The following TXLNB variants were observed in gnomAD, a reference collection of about 807,000 sequenced individuals.
TXLNB encodes beta-taxilin.
Under a neutral mutation model 57.4 loss-of-function variants are expected in TXLNB, and 37 were observed. The ratio of observed to expected loss-of-function variants is 0.64; its 90% CI spans 0.50 to 0.85. TXLNB has a LOEUF of 0.85. TXLNB is among the 40% of genes least tolerant of loss of function. The probability of loss-of-function intolerance (pLI) is 0.00; values close to 1 mark genes in which losing one functional copy is unlikely to be tolerated. For missense variants in TXLNB, 848 were observed against 825.6 expected (o/e 1.03, Z -0.33); for synonymous variants, 302 against 309.6 (o/e 0.98, Z 0.26).
At chr6:139,162,121 G>GTA in the TXLNB span, among the ~76,000 whole-genome samples, 1 of 152,158 alleles carries the variant, frequency 6.6e-6, no homozygotes, top group Non-Finnish European at 1.5e-5. Context: ...ACTAAGATGA[G>GTA]TAAGAGGCTT....
the TXLNB span, among the ~76,000 whole-genome samples, chr6:139,299,254 C>T: frequency 2.5e-4 from 38 of 152,112 alleles, no homozygotes; most frequent in Admixed American, 1.5e-3. Flanking sequence ...ATTCAACAAC[C>T]CTGGGAACAA....
chr6:139,252,567 G>T (rs186368699), intron 7 of TXLNB, among the ~76,000 whole-genome samples: 24 of 152,312 alleles, frequency 1.6e-4, no homozygotes, highest in African/African-American at 5.1e-4. Context: ...GCAGGCAATG[G>T]ACAAGGCGGG....
At chr6:139,254,827 T>G (rs565370373) in intron 7 of TXLNB, among the ~76,000 whole-genome samples, 67 of 152,260 alleles carry the variant, frequency 4.4e-4, no homozygotes, top group African/African-American at 1.6e-3. Context: ...TCTTTTCTTT[T>G]CTTTCTAAAC....
chr6:139,315,925 C>T, the TXLNB span, among the ~76,000 whole-genome samples: 2 of 151,686 alleles, frequency 1.3e-5, no homozygotes, highest in African/African-American at 4.8e-5. Flanking sequence ...TATGAAGTTA[C>T]AAGCCAAAAA....
the TXLNB span, among the ~76,000 whole-genome samples, chr6:139,316,325 G>GAT: frequency 1.3e-5 from 2 of 151,982 alleles, no homozygotes; most frequent in Admixed American, 6.5e-5. Flanking sequence ...GATCACCTTT[G>GAT]ATATATGATC....
At chr6:139,319,685 G>A in the TXLNB span, among the ~76,000 whole-genome samples, 54 of 152,168 alleles carry the variant, frequency 3.5e-4, no homozygotes, top group East Asian at 0.01. Context: ...GATCACTTGA[G>A]CCTGGGAGGT....
intron 6 of TXLNB, among the ~76,000 whole-genome samples, chr6:139,258,131 C>T (rs971318438): frequency 2.0e-5 from 3 of 152,170 alleles, no homozygotes; most frequent in Admixed American, 2.0e-4. Context: ...GATATCTCAT[C>T]GCTTCCAAAA....
At chr6:139,165,584 CTT>C in the TXLNB span, among the ~76,000 whole-genome samples, 35 of 138,178 alleles carry the variant, frequency 2.5e-4, no homozygotes, top group East Asian at 6.2e-4. Context: ...GTGGCAACCA[CTT>C]TTTTTTTTTT....
downstream of TXLNB, among the ~76,000 whole-genome samples, chr6:139,235,070 C>A (rs1775820738): frequency 6.6e-6 from 1 of 152,294 alleles, no homozygotes; most frequent in African/African-American, 2.4e-5. Flanking sequence ...GAACCTGTAG[C>A]CCCTTTGTTA....
chr6:139,198,351 CCTT>C, the TXLNB span, among the ~76,000 whole-genome samples: 1 of 152,076 alleles, frequency 6.6e-6, no homozygotes, highest in Non-Finnish European at 1.5e-5. Context: ...TCTCCTTTCT[CCTT>C]CTTGCTTCCT....
rs755447852 is a variant in TXLNB, at chr6:139,283,166, G to A, written c.424+5310C>T. ...TTTTAAATATTCCCCCAACTGCTCC[G>A]GTAAGTACTGCGTTTATTGTAGGAG... is the stretch of plus-strand genomic sequence containing the variant. On this transcript the variant is annotated intron_variant, in intron 2 of 9. Coordinates refer to ENST00000358430, the MANE Select transcript of TXLNB (RefSeq NM_153235.4). 7 of 144,022 alleles carry A rather than the reference G, an allele frequency of 4.9e-5. 2 individuals carry two copies. The highest frequency in any genetic ancestry group is 2.4e-4 in the South Asian group (1 of 4,226). 8.9% of individuals were successfully genotyped at this position (144,022 alleles called of 1,614,324 possible). A position where few individuals can be genotyped will look rare whatever the true frequency, so the allele number is the denominator to read the frequency against.
At chr6:139,212,584 A>T in the TXLNB span, among the ~76,000 whole-genome samples, 2 of 151,312 alleles carry the variant, frequency 1.3e-5, no homozygotes, top group Admixed American at 1.3e-4. Context: ...CGAGCAAAAT[A>T]ACCAGCTAAC....
chr6:139,165,072 C>G, the TXLNB span, among the ~76,000 whole-genome samples: 1 of 152,148 alleles, frequency 6.6e-6, no homozygotes, highest in Non-Finnish European at 1.5e-5. Flanking sequence ...GTGCTAAACT[C>G]TTTATAAGCA....
At chr6:139,263,143 G>A (rs981452109) in intron 4 of TXLNB, among the ~76,000 whole-genome samples, 1 of 152,198 alleles carries the variant, frequency 6.6e-6, no homozygotes, top group Non-Finnish European at 1.5e-5. Flanking sequence ...TGATGGATGA[G>A]ACAGATCATG....
chr6:139,192,789 A>G, the TXLNB span, among the ~76,000 whole-genome samples: 1 of 151,422 alleles, frequency 6.6e-6, no homozygotes, highest in African/African-American at 2.4e-5. Flanking sequence ...CTAAAAAAAA[A>G]AAAGAAAGAA....
the TXLNB span, among the ~76,000 whole-genome samples, chr6:139,230,172 T>C: frequency 1.3e-5 from 2 of 152,334 alleles, no homozygotes; most frequent in Admixed American, 1.3e-4. Flanking sequence ...ATCGGTTTTC[T>C]AATAATGGGC....
the TXLNB span, chr6:139,174,253 A>T: frequency 7.6e-6 from 8 of 1,057,782 alleles, no homozygotes; most frequent in African/African-American, 8.0e-5. Context: ...CTAAATATTG[A>T]TTTTTCTTTT....
At chr6:139,196,196 G>T in the TXLNB span, among the ~76,000 whole-genome samples, 2 of 151,962 alleles carry the variant, frequency 1.3e-5, no homozygotes, top group African/African-American at 2.4e-5. Context: ...ATCTTCCATG[G>T]ATACATTAAA....
At chr6:139,267,389 T>C (rs1057264769) in intron 4 of TXLNB, among the ~76,000 whole-genome samples, 1 of 152,332 alleles carries the variant, frequency 6.6e-6, no homozygotes, top group Non-Finnish European at 1.5e-5. Context: ...GCAGTGTTTC[T>C]ACATGTTATG....
Sources: allele counts gnomAD v4.1 joint callset (sites outside exome capture counted in the v4.1 genomes callset), GRCh38; gene constraint gnomAD v4.1.1; transcripts MANE v1.5; gene names NCBI Gene and HGNC (gene_info 2026-07-23, HGNC 2026-07-21).